THSD7B: variants seen among roughly 807,000 people sequenced by gnomAD.
THSD7B encodes the protein thrombospondin type-1 domain-containing protein 7B.
A neutral mutation model predicts 213.6 loss-of-function variants in THSD7B; 138 were observed. That is an observed-to-expected ratio of 0.65 (90% confidence interval 0.56 to 0.74). The LOEUF (loss-of-function observed/expected upper bound fraction) is 0.74. Ranked by LOEUF, THSD7B falls within the 30% of genes least tolerant of loss-of-function variation. THSD7B has a pLI of 0.00. For missense variants in THSD7B, 1,931 were observed against 1,991.5 expected (o/e 0.97, Z 0.58); for synonymous variants, 742 against 687.0 (o/e 1.08, Z -1.25).
intron 1 of THSD7B, among the ~76,000 whole-genome samples, chr2:136,877,847 CA>C (rs1683549080): frequency 3.3e-5 from 5 of 151,920 alleles, no homozygotes. Flanking sequence ...AAAAAGAAGG[CA>C]AAAACTGTGG....
At chr2:137,629,663 G>A (rs1682703052) in intron 20 of THSD7B, among the ~76,000 whole-genome samples, 1 of 152,156 alleles carries the variant, frequency 6.6e-6, no homozygotes, top group Admixed American at 6.5e-5. Flanking sequence ...GTGAACCAAG[G>A]CACAGAAGGA....
At chr2:136,928,895 T>G (rs1684586405) in intron 2 of THSD7B, among the ~76,000 whole-genome samples, 1 of 152,132 alleles carries the variant, frequency 6.6e-6, no homozygotes, top group African/African-American at 2.4e-5. Flanking sequence ...CCCTTTATTT[T>G]AATCATAAAA....
chr2:137,085,197 G>A (rs35125138), intron 3 of THSD7B, among the ~76,000 whole-genome samples: 12,382 of 152,144 alleles, frequency 0.081, 709 homozygotes, highest in African/African-American at 0.16. Context: ...CAAATAAAAC[G>A]CCCTGGTCCT....
intron 10 of THSD7B, among the ~76,000 whole-genome samples, chr2:137,256,010 C>T (rs1309344214): frequency 6.6e-6 from 1 of 152,092 alleles, no homozygotes; most frequent in African/African-American, 2.4e-5. Flanking sequence ...TCTGACTACC[C>T]TATTTAAAAA....
chr2:137,060,015 G>A (rs1687242462), intron 3 of THSD7B, among the ~76,000 whole-genome samples: 1 of 152,058 alleles, frequency 6.6e-6, no homozygotes, highest in Non-Finnish European at 1.5e-5. Flanking sequence ...GTTCTATTTT[G>A]TCACATCACT....
At chr2:137,433,311 A>G (rs2105043015) in intron 14 of THSD7B, among the ~76,000 whole-genome samples, 1 of 152,114 alleles carries the variant, frequency 6.6e-6, no homozygotes, top group South Asian at 2.1e-4. Context: ...ATGCTCAAAA[A>G]TGTCTCTTGA....
intron 5 of THSD7B, among the ~76,000 whole-genome samples, chr2:137,154,174 G>T (rs1276976381): frequency 6.6e-6 from 1 of 151,982 alleles, no homozygotes; most frequent in Non-Finnish European, 1.5e-5. Flanking sequence ...TAGGTTTTGG[G>T]GGTTCTTAGG....
intron 1 of THSD7B, among the ~76,000 whole-genome samples, chr2:136,809,378 G>A (rs1682340524): frequency 6.6e-6 from 1 of 152,204 alleles, no homozygotes; most frequent in Non-Finnish European, 1.5e-5. Context: ...GAGGAGTGAG[G>A]AGCCCAGAGG....
chr2:137,159,427 CA>C (rs35347019), intron 5 of THSD7B, among the ~76,000 whole-genome samples: 7 of 136,358 alleles, frequency 5.1e-5, no homozygotes, highest in South Asian at 2.4e-4. Flanking sequence ...AACCCTGTCT[CA>C]AAAAAAAATT....
chr2:137,282,948 A>C (rs1179085481), intron 12 of THSD7B, among the ~76,000 whole-genome samples: 1 of 152,122 alleles, frequency 6.6e-6, no homozygotes, highest in Admixed American at 6.5e-5. Context: ...GAAGAAAGTC[A>C]TTGGTAGCTT....
intron 5 of THSD7B, among the ~76,000 whole-genome samples, chr2:137,136,628 G>A (rs1254383549): frequency 1.3e-5 from 2 of 152,156 alleles, no homozygotes; most frequent in Non-Finnish European, 2.9e-5. Flanking sequence ...CTGAGTATGT[G>A]TGTAACCTCT....
At chr2:137,101,399 T>C (rs1253518995) in intron 4 of THSD7B, among the ~76,000 whole-genome samples, 1 of 152,194 alleles carries the variant, frequency 6.6e-6, no homozygotes, top group African/African-American at 2.4e-5. Context: ...ATTTAATAAA[T>C]GGTTGTCAGA....
chr2:136,995,283 T>G (rs958909514), intron 2 of THSD7B, among the ~76,000 whole-genome samples: 6 of 152,096 alleles, frequency 3.9e-5, no homozygotes, highest in African/African-American at 1.4e-4. Flanking sequence ...TGGGATGGTG[T>G]GGCAGGAGCT....
At chr2:137,016,842 A>T (rs954311149) in intron 2 of THSD7B, among the ~76,000 whole-genome samples, 4 of 152,200 alleles carry the variant, frequency 2.6e-5, no homozygotes, top group African/African-American at 9.6e-5. Context: ...TACTTTTGCA[A>T]GTGCTTCTAA....
chr2:137,483,883 G>A (rs1482777936), intron 15 of THSD7B, among the ~76,000 whole-genome samples: 2 of 152,190 alleles, frequency 1.3e-5, no homozygotes, highest in Admixed American at 6.5e-5. Context: ...TTGAGGGAGC[G>A]AGACCTAAAG....
At chr2:136,873,786 G>A (rs1009744651) in intron 1 of THSD7B, among the ~76,000 whole-genome samples, 1 of 152,126 alleles carries the variant, frequency 6.6e-6, no homozygotes, top group Non-Finnish European at 1.5e-5. Context: ...TGCTTCTGTA[G>A]CATCCTTCAT....
intron 2 of THSD7B, among the ~76,000 whole-genome samples, chr2:136,914,358 G>C (rs1295080249): frequency 6.6e-6 from 1 of 152,152 alleles, no homozygotes; most frequent in Non-Finnish European, 1.5e-5. Context: ...TTAGACTATG[G>C]CCTTTTGAGT....
intron 5 of THSD7B, among the ~76,000 whole-genome samples, chr2:137,120,045 C>G (rs1456211283): frequency 1.3e-5 from 2 of 152,078 alleles, no homozygotes; most frequent in Non-Finnish European, 2.9e-5. Flanking sequence ...GATGTCAACC[C>G]TTAGAGGAGC....
chr2:136,900,909 T>C (rs115295350), intron 2 of THSD7B, among the ~76,000 whole-genome samples: 181 of 152,310 alleles, frequency 1.2e-3, no homozygotes, highest in African/African-American at 4.2e-3. Context: ...TATATGTTTT[T>C]AGATAAACAA....
Sources: gnomAD v4.1 joint callset for allele counts (sites outside exome capture counted in the v4.1 genomes callset) on GRCh38, gnomAD v4.1.1 for gene constraint, MANE v1.5 for transcripts, NCBI Gene and HGNC (gene_info 2026-07-23, HGNC 2026-07-21) for gene names.